LIPC: variants seen among roughly 807,000 people sequenced by gnomAD.
LIPC encodes the protein lipase C, hepatic type, also known as hepatic triacylglycerol lipase.
Under a neutral mutation model 50.7 loss-of-function variants are expected in LIPC, and 44 were observed. That is an observed-to-expected ratio of 0.87 (90% CI 0.68 to 1.11). LIPC has a LOEUF of 1.11. LIPC is among the 50% of genes most tolerant of loss of function. The pLI is 0.00. For synonymous variants in LIPC, 271 were observed against 256.4 expected, an observed-to-expected ratio of 1.06 and a Z score of -0.54; for missense variants, 697 against 648.2, an observed-to-expected ratio of 1.08 and a Z score of -0.82.
intron 4 of LIPC, among the ~76,000 whole-genome samples, chr15:58,542,984 A>G (rs1893389160): frequency 6.6e-6 from 1 of 152,314 alleles, no homozygotes; most frequent in African/African-American, 2.4e-5. Flanking sequence ...AATTTGGGCG[A>G]GTTAAGGAGT....
In LIPC at chr15:58,557,379, CTTTTTTT is replaced by C. The variant is rs386383140; in HGVS notation, c.1052-3468_1052-3462del. Among the ~76,000 whole-genome samples the C allele has an allele frequency of 1.9e-3, 141 of 75,700 alleles. 2 individuals are homozygous for C. Among genetic ancestry groups the C allele is most frequent in the African/African-American group, 7.3e-3 (136 of 18,586 alleles). 49.7% of individuals were successfully genotyped at this position (75,700 alleles called of 152,430 possible). A position where few individuals can be genotyped will look rare whatever the true frequency, so the allele number is the denominator to read the frequency against. On this transcript the variant is annotated intron_variant, in intron 6 of 8. Transcript: ENST00000299022. ...ATCATGCATACTGCCATTATATGCT[CTTTTTTT>C]TTTTTTTTTTTTTTTTGAGATGTAG...
At chr15:58,536,120 G>A (rs1222868403) in intron 1 of LIPC, among the ~76,000 whole-genome samples, 9 of 152,170 alleles carry the variant, frequency 5.9e-5, no homozygotes, top group African/African-American at 2.2e-4. Context: ...GAGGCAGTAC[G>A]GTGCTGAGAG....
At chr15:58,495,181 C>T (rs1325312614) in intron 1 of LIPC, among the ~76,000 whole-genome samples, 1 of 152,206 alleles carries the variant, frequency 6.6e-6, no homozygotes, top group African/African-American at 2.4e-5. Flanking sequence ...CTGATCCCGA[C>T]TCTCATCCTT....
intron 1 of LIPC, among the ~76,000 whole-genome samples, chr15:58,536,434 G>A (rs1419495472): frequency 2.0e-5 from 3 of 152,204 alleles, no homozygotes; most frequent in African/African-American, 7.2e-5. Flanking sequence ...GGAGGACAGA[G>A]AGACCAAGCA....
At chr15:58,459,390 CTTTT>C (rs1295479737) in intron 1 of LIPC, among the ~76,000 whole-genome samples, 3 of 133,602 alleles carry the variant, frequency 2.2e-5, no homozygotes, top group African/African-American at 8.4e-5. Context: ...GGAGAATCGA[CTTTT>C]TTCTTTCTTT....
intron 1 of LIPC, among the ~76,000 whole-genome samples, chr15:58,490,263 G>A (rs1048544168): frequency 4.6e-5 from 7 of 152,148 alleles, no homozygotes; most frequent in East Asian, 3.8e-4. Context: ...TAGAGCCAGC[G>A]ACACTCAGCC....
At chr15:58,504,037 T>C (rs1273090481) in intron 1 of LIPC, among the ~76,000 whole-genome samples, 1 of 152,170 alleles carries the variant, frequency 6.6e-6, no homozygotes, top group African/African-American at 2.4e-5. Context: ...ATTTTCCAAG[T>C]GGAGAAAACA....
intron 1 of LIPC, among the ~76,000 whole-genome samples, chr15:58,483,907 G>T (rs1159502100): frequency 6.6e-6 from 1 of 152,122 alleles, no homozygotes; most frequent in Non-Finnish European, 1.5e-5. Context: ...ATTTTAAAGT[G>T]ACTTTCCCAG....
At chr15:58,441,151 A>G (rs1336862782) in intron 1 of LIPC, among the ~76,000 whole-genome samples, 1 of 152,198 alleles carries the variant, frequency 6.6e-6, no homozygotes, top group African/African-American at 2.4e-5. Context: ...CAGTTTTGCA[A>G]GCTCACCTGG....
intron 6 of LIPC, among the ~76,000 whole-genome samples, chr15:58,557,103 A>G (rs1287248728): frequency 6.6e-6 from 1 of 152,186 alleles, no homozygotes; most frequent in East Asian, 1.9e-4. Context: ...TCCTTAGAAT[A>G]TATAAAGCTA....
intron 1 of LIPC, among the ~76,000 whole-genome samples, chr15:58,506,952 C>G (rs1244010070): frequency 6.6e-6 from 1 of 152,196 alleles, no homozygotes; most frequent in Non-Finnish European, 1.5e-5. Flanking sequence ...CATCCTTCCG[C>G]AAATGGTGGC....
intron 1 of LIPC, among the ~76,000 whole-genome samples, chr15:58,480,774 G>A (rs1428514211): frequency 1.3e-5 from 2 of 152,120 alleles, no homozygotes; most frequent in Admixed American, 1.3e-4. Context: ...TTTTATGTGT[G>A]GCCCAAGACA....
chr15:58,472,270 CAAAA>C (rs35901617), intron 1 of LIPC, among the ~76,000 whole-genome samples: 3 of 87,636 alleles, frequency 3.4e-5, no homozygotes, highest in African/African-American at 4.8e-5. Flanking sequence ...CATTTGGTCT[CAAAA>C]AAAAAAAAAA....
At chr15:58,536,827 G>T (rs761075916) in intron 1 of LIPC, among the ~76,000 whole-genome samples, 8 of 152,186 alleles carry the variant, frequency 5.3e-5, no homozygotes, top group Non-Finnish European at 1.2e-4. Flanking sequence ...GCCCTTTGCT[G>T]AGAATTAATA....
At chr15:58,507,296 A>T (rs1396031994) in intron 1 of LIPC, among the ~76,000 whole-genome samples, 2 of 152,158 alleles carry the variant, frequency 1.3e-5, no homozygotes, top group Non-Finnish European at 2.9e-5. Flanking sequence ...CTAAAAAAAG[A>T]AGGAAAGAAG....
intron 1 of LIPC, among the ~76,000 whole-genome samples, chr15:58,447,102 T>C (rs1470930288): frequency 7.6e-6 from 1 of 132,012 alleles, no homozygotes; most frequent in Admixed American, 9.6e-5. Flanking sequence ...TGAGCCGAGA[T>C]TGCGCCACTG....
intron 1 of LIPC, among the ~76,000 whole-genome samples, chr15:58,470,459 A>G (rs1894752637): frequency 6.6e-6 from 1 of 152,102 alleles, no homozygotes; most frequent in Non-Finnish European, 1.5e-5. Context: ...AAATTACTCA[A>G]TTGTTAAATG....
At chr15:58,471,084 A>G (rs1894776012) in intron 1 of LIPC, among the ~76,000 whole-genome samples, 1 of 148,502 alleles carries the variant, frequency 6.7e-6, no homozygotes, top group South Asian at 2.1e-4. Flanking sequence ...ATACCCAATG[A>G]CCTAAGGTCT....
intron 1 of LIPC, among the ~76,000 whole-genome samples, chr15:58,499,004 C>G (rs544267540): frequency 2.0e-5 from 3 of 152,316 alleles, no homozygotes; most frequent in East Asian, 1.9e-4. Flanking sequence ...GGCCTGTCAA[C>G]GGCCTTGCTT....
Sources: allele counts gnomAD v4.1 joint callset (sites outside exome capture counted in the v4.1 genomes callset), GRCh38; gene constraint gnomAD v4.1.1; transcripts MANE v1.5; gene names NCBI Gene and HGNC (gene_info 2026-07-23, HGNC 2026-07-21).